Variants in LINGO2 observed in about 807,000 individuals in gnomAD.
The protein encoded by LINGO2 is leucine-rich repeat and immunoglobulin-like domain-containing nogo receptor-interacting protein 2.
In LINGO2, 14 loss-of-function variants were observed where a neutral mutation model predicts 30.6. The observed-to-expected ratio is 0.46, with a 90% CI of 0.30 to 0.72. LINGO2 has a LOEUF of 0.72. Ranked by LOEUF, LINGO2 falls within the 30% of genes least tolerant of loss-of-function variation. The pLI is 0.07. For missense variants in LINGO2, 729 were observed against 751.7 expected, an observed-to-expected ratio of 0.97 and a Z score of 0.35; for synonymous variants, 317 against 288.5, an observed-to-expected ratio of 1.10 and a Z score of -1.00.
chr9:29,063,040 T>C, the LINGO2 span, among the ~76,000 whole-genome samples: 1 of 152,158 alleles, frequency 6.6e-6, no homozygotes, highest in Admixed American at 6.6e-5. Flanking sequence ...AATAGCTTTA[T>C]GGTTCAGTAA....
chr9:29,165,252 C>A, the LINGO2 span, among the ~76,000 whole-genome samples: 1 of 152,000 alleles, frequency 6.6e-6, no homozygotes, highest in Non-Finnish European at 1.5e-5. Flanking sequence ...AAACTTATTT[C>A]AATAATTTTT....
the LINGO2 span, among the ~76,000 whole-genome samples, chr9:29,025,925 C>T: frequency 6.6e-6 from 1 of 152,160 alleles, no homozygotes; most frequent in Non-Finnish European, 1.5e-5. Flanking sequence ...TTTCAATTAA[C>T]AAAATGTCTC....
At chr9:29,138,672 C>T in the LINGO2 span, among the ~76,000 whole-genome samples, 5 of 152,084 alleles carry the variant, frequency 3.3e-5, no homozygotes, top group South Asian at 2.1e-4. Context: ...AGGTATGGTA[C>T]GTAGCCCTAT....
chr9:28,726,916 C>T, the LINGO2 span, among the ~76,000 whole-genome samples: 1 of 152,100 alleles, frequency 6.6e-6, no homozygotes, highest in Non-Finnish European at 1.5e-5. Flanking sequence ...TGGATCTGGG[C>T]TCCCCTATTT....
chr9:28,981,719 C>T, the LINGO2 span, among the ~76,000 whole-genome samples: 1 of 152,206 alleles, frequency 6.6e-6, no homozygotes, highest in Admixed American at 6.5e-5. Flanking sequence ...TCAAATAGTG[C>T]TCCAATGAAT....
chr9:28,068,079 G>A lies in LINGO2; in HGVS notation c.-86-55674C>T, dbSNP rs548426046. Among the ~76,000 whole-genome samples, 99 of 152,220 alleles carry A rather than the reference G, an allele frequency of 6.5e-4. 1 individual carries two copies. The South Asian group carries it at 0.019, about 30-fold the overall frequency. The stretch of plus-strand genomic sequence containing the variant: ...CTAAAGTCTCTGTCTTCTCTACAGT[G>A]CCTTTGTTTACATTTTGATTGGATC... On this transcript the variant is annotated intron_variant, in intron 4 of 5. Transcript: ENST00000379992.
At chr9:28,117,355 T>A (rs1032580042) in intron 4 of LINGO2, among the ~76,000 whole-genome samples, 1 of 134,762 alleles carries the variant, frequency 7.4e-6, no homozygotes, top group African/African-American at 2.8e-5. Flanking sequence ...AGGTTACTGC[T>A]GTCTTTTTGT....
the LINGO2 span, among the ~76,000 whole-genome samples, chr9:28,986,826 T>C: frequency 6.6e-6 from 1 of 152,108 alleles, no homozygotes; most frequent in East Asian, 1.9e-4. Flanking sequence ...TATAAAATAA[T>C]ATACTGAAAG....
At chr9:29,093,102 C>G in the LINGO2 span, among the ~76,000 whole-genome samples, 1 of 123,906 alleles carries the variant, frequency 8.1e-6, no homozygotes, top group Non-Finnish European at 1.7e-5. Context: ...GAGAGAGAGA[C>G]ATGGATATTG....
chr9:29,211,514 C>T, the LINGO2 span, among the ~76,000 whole-genome samples: 1 of 152,080 alleles, frequency 6.6e-6, no homozygotes, highest in East Asian at 1.9e-4. Context: ...TTAACTTCGC[C>T]CTCCTTCCTC....
At chr9:28,450,665 G>T (rs1364595651) in intron 2 of LINGO2, among the ~76,000 whole-genome samples, 1 of 151,948 alleles carries the variant, frequency 6.6e-6, no homozygotes, top group Non-Finnish European at 1.5e-5. Flanking sequence ...CCTAACCCAA[G>T]AACATTGTTT....
At chr9:28,636,113 T>C (rs191238541) in intron 1 of LINGO2, among the ~76,000 whole-genome samples, 110 of 152,286 alleles carry the variant, frequency 7.2e-4, no homozygotes, top group African/African-American at 2.5e-3. Context: ...CTCAGAATGA[T>C]GATTTCCAGC....
At chr9:28,532,871 G>C (rs1278933549) in intron 1 of LINGO2, among the ~76,000 whole-genome samples, 2 of 151,952 alleles carry the variant, frequency 1.3e-5, no homozygotes, top group African/African-American at 4.8e-5. Context: ...TACGTTTACT[G>C]CCTCTTATAG....
chr9:28,166,851 T>C (rs1302233097), intron 4 of LINGO2, among the ~76,000 whole-genome samples: 1 of 152,168 alleles, frequency 6.6e-6, no homozygotes, highest in East Asian at 1.9e-4. Context: ...TTGTCTACTA[T>C]TACTCTTACT....
intron 2 of LINGO2, among the ~76,000 whole-genome samples, chr9:28,376,174 C>T (rs1394135103): frequency 6.6e-6 from 1 of 150,734 alleles, no homozygotes; most frequent in Non-Finnish European, 1.5e-5. Flanking sequence ...TAGTAATAGT[C>T]TGTGTTACCC....
At chr9:28,824,231 G>C in the LINGO2 span, among the ~76,000 whole-genome samples, 16 of 152,268 alleles carry the variant, frequency 1.1e-4, no homozygotes, top group African/African-American at 3.8e-4. Context: ...CAAAACTCTA[G>C]CTTGAAGGAA....
chr9:28,871,635 G>A, the LINGO2 span, among the ~76,000 whole-genome samples: 3 of 151,886 alleles, frequency 2.0e-5, no homozygotes, highest in Non-Finnish European at 4.4e-5. Flanking sequence ...GCTTACATTT[G>A]CATCTTCAAA....
At chr9:28,269,998 T>C (rs1438696604) in intron 4 of LINGO2, among the ~76,000 whole-genome samples, 1 of 152,082 alleles carries the variant, frequency 6.6e-6, no homozygotes, top group Non-Finnish European at 1.5e-5. Context: ...GTGCAATGGA[T>C]AAAATCCAGG....
the LINGO2 span, among the ~76,000 whole-genome samples, chr9:28,860,992 T>A: frequency 9.3e-6 from 1 of 107,806 alleles, no homozygotes; most frequent in South Asian, 2.6e-4. Context: ...CTATAATATA[T>A]TATATTTATT....
Sources: gnomAD v4.1 joint callset for allele counts (sites outside exome capture counted in the v4.1 genomes callset) on GRCh38, gnomAD v4.1.1 for gene constraint, MANE v1.5 for transcripts, NCBI Gene and HGNC (gene_info 2026-07-23, HGNC 2026-07-21) for gene names.